ARID5B: variants seen among roughly 807,000 people sequenced by gnomAD.
ARID5B encodes the protein AT-rich interaction domain 5B.
ARID5B carries 13 observed loss-of-function variants against 97.2 expected under a neutral mutation model. That is an observed-to-expected ratio of 0.13 (90% confidence interval 0.09 to 0.21). The LOEUF (loss-of-function observed/expected upper bound fraction) is 0.21, where lower values mean the gene tolerates loss of function less well. ARID5B is among the 10% of genes least tolerant of loss of function. The pLI, the probability that ARID5B is intolerant of heterozygous loss-of-function variation, is 1.00. For synonymous variants in ARID5B, 556 were observed against 570.3 expected (o/e 0.97, Z 0.36); for missense variants, 1,210 against 1,465.3 (o/e 0.83, Z 2.84).
rs140679373 is a variant in ARID5B, at chr10:62,060,176, C to T, written c.1101+881C>T. On this transcript the variant is annotated intron_variant, in intron 7 of 9. Coordinates refer to ENST00000279873, the MANE Select transcript of ARID5B (RefSeq NM_032199.3). ...CATAGTAAAATGACAGTAAGACACA[C>T]AAAGTCAAGAAAATGAAATTCATTT... 2.9e-3 allele frequency among the ~76,000 whole-genome samples: 449 copies of T among 152,222 alleles called. 1 individual carries two copies. The highest frequency in any genetic ancestry group is 0.01 in the African/African-American group (426 of 41,540).
chr10:61,912,093 TTTG>T (rs1843815628), intron 2 of ARID5B, among the ~76,000 whole-genome samples: 1 of 152,226 alleles, frequency 6.6e-6, no homozygotes, highest in Non-Finnish European at 1.5e-5. Flanking sequence ...TTCTATTGTA[TTTG>T]AAAAGCAAGT....
chr10:62,035,138 G>A (rs1839545773), intron 4 of ARID5B, among the ~76,000 whole-genome samples: 1 of 152,194 alleles, frequency 6.6e-6, no homozygotes, highest in Admixed American at 6.5e-5. Context: ...CTTATTAATG[G>A]TGATGGTGAC....
chr10:61,957,443 A>G (rs914692416), intron 3 of ARID5B, among the ~76,000 whole-genome samples: 2 of 152,104 alleles, frequency 1.3e-5, no homozygotes, highest in African/African-American at 4.8e-5. Flanking sequence ...TGATTTTTGT[A>G]TATTTAGTAG....
At chr10:62,009,406 C>G (rs1371204153) in intron 4 of ARID5B, among the ~76,000 whole-genome samples, 2 of 152,172 alleles carry the variant, frequency 1.3e-5, no homozygotes, top group Admixed American at 1.3e-4. Flanking sequence ...CTAGTGTCTG[C>G]TCTCTAGACA....
intron 3 of ARID5B, among the ~76,000 whole-genome samples, chr10:61,988,721 C>A (rs908001486): frequency 6.6e-6 from 1 of 152,092 alleles, no homozygotes; most frequent in East Asian, 1.9e-4. Flanking sequence ...GGACCCAGGA[C>A]ACAATGATTT....
At chr10:62,037,424 ATTTAGAGATG>A (rs1192978286) in intron 4 of ARID5B, among the ~76,000 whole-genome samples, 1 of 152,196 alleles carries the variant, frequency 6.6e-6, no homozygotes, top group East Asian at 1.9e-4. Context: ...TTTCCTCACC[ATTTAGAGATG>A]TTTCAGTTTT....
At chr10:62,011,390 G>C (rs1334260665) in intron 4 of ARID5B, among the ~76,000 whole-genome samples, 1 of 152,180 alleles carries the variant, frequency 6.6e-6, no homozygotes, top group Admixed American at 6.6e-5. Flanking sequence ...ACAGTTGCAA[G>C]TACCATGCTC....
At chr10:61,915,733 A>C (rs750752163) in intron 2 of ARID5B, among the ~76,000 whole-genome samples, 12 of 152,072 alleles carry the variant, frequency 7.9e-5, no homozygotes, top group Non-Finnish European at 1.6e-4. Flanking sequence ...CTGGTCTACT[A>C]TCTGTCTTTG....
chr10:61,985,301 G>A (rs751671763), intron 3 of ARID5B, among the ~76,000 whole-genome samples: 33 of 151,618 alleles, frequency 2.2e-4, no homozygotes, highest in Non-Finnish European at 4.4e-4. Context: ...TAATACATCT[G>A]TTCACATGCC....
chr10:61,923,411 C>T (rs1198081827), intron 2 of ARID5B, among the ~76,000 whole-genome samples: 1 of 152,194 alleles, frequency 6.6e-6, no homozygotes, highest in Admixed American at 6.5e-5. Context: ...GGCTCTTCTA[C>T]CCAGTCCACA....
intron 7 of ARID5B, among the ~76,000 whole-genome samples, chr10:62,063,712 C>T (rs934050507): frequency 2.0e-5 from 3 of 152,168 alleles, no homozygotes; most frequent in Admixed American, 6.5e-5. Context: ...GATTAATTGA[C>T]GAGGACCCTT....
intron 2 of ARID5B, among the ~76,000 whole-genome samples, chr10:61,927,753 T>A (rs1323251784): frequency 9.2e-5 from 14 of 152,222 alleles, no homozygotes. Flanking sequence ...TTTTGCCTAA[T>A]AAGGACATTC....
chr10:61,936,771 A>G (rs1844308395), intron 2 of ARID5B, among the ~76,000 whole-genome samples: 1 of 149,958 alleles, frequency 6.7e-6, no homozygotes, highest in Admixed American at 6.7e-5. Flanking sequence ...GTATCAACCC[A>G]TTGAGTCCTG....
chr10:62,070,049 T>TTTTTTC (rs1840042651), intron 8 of ARID5B, among the ~76,000 whole-genome samples: 1 of 151,860 alleles, frequency 6.6e-6, no homozygotes. Context: ...CTTTTTTTTT[T>TTTTTTC]TTCCCCACAA....
chr10:61,936,404 G>C (rs1044573905), intron 2 of ARID5B, among the ~76,000 whole-genome samples: 1 of 152,226 alleles, frequency 6.6e-6, no homozygotes, highest in African/African-American at 2.4e-5. Context: ...GATCACCAGA[G>C]GTCAGGAGTT....
intron 3 of ARID5B, among the ~76,000 whole-genome samples, chr10:61,968,746 G>C (rs1838582577): frequency 6.6e-6 from 1 of 152,118 alleles, no homozygotes; most frequent in South Asian, 2.1e-4. Context: ...TGTGTTTTAG[G>C]AATCCATCTT....
intron 8 of ARID5B, among the ~76,000 whole-genome samples, chr10:62,073,654 T>C (rs1207581742): frequency 2.6e-5 from 4 of 152,244 alleles, no homozygotes; most frequent in African/African-American, 4.8e-5. Flanking sequence ...ACCAGGCTCC[T>C]GGCCATAGTC....
chr10:62,049,339 C>G, intron 4 of ARID5B: 1 of 1,525,656 alleles, frequency 6.6e-7, no homozygotes, highest in Admixed American at 2.0e-5. Flanking sequence ...GTAAGCAGAG[C>G]GCTGAGCCTC....
chr10:62,029,856 T>C (rs1313811835), intron 4 of ARID5B, among the ~76,000 whole-genome samples: 1 of 152,240 alleles, frequency 6.6e-6, no homozygotes, highest in Non-Finnish European at 1.5e-5. Flanking sequence ...AAACACACTG[T>C]AAAGTGAAAT....
Sources: gnomAD v4.1 joint callset for allele counts (sites outside exome capture counted in the v4.1 genomes callset) on GRCh38, gnomAD v4.1.1 for gene constraint, MANE v1.5 for transcripts, NCBI Gene and HGNC (gene_info 2026-07-23, HGNC 2026-07-21) for gene names.